Variants in ANKRD17 observed in about 807,000 individuals in gnomAD.
ANKRD17 encodes ankyrin repeat domain 17, also known as ankyrin repeat domain-containing protein 17.
Under a neutral mutation model 229.7 loss-of-function variants are expected in ANKRD17, and 19 were observed. That is an observed-to-expected ratio of 0.08 (90% CI 0.06 to 0.12). ANKRD17 has a LOEUF of 0.12. ANKRD17 is among the 10% of genes least tolerant of loss of function. The pLI is 1.00. For missense variants in ANKRD17, 2,176 were observed against 3,176.8 expected, an observed-to-expected ratio of 0.68 and a Z score of 7.57; for synonymous variants, 1,112 against 1,146.1, an observed-to-expected ratio of 0.97 and a Z score of 0.60.
At chr4:73,113,131 T>C (rs1460592223) in intron 24 of ANKRD17, 2 of 1,231,288 alleles carry the variant, frequency 1.6e-6, no homozygotes, top group South Asian at 1.4e-5. Context: ...TTCCATAATA[T>C]TCAATGCCAA....
At chr4:73,086,732 G>T (rs1289163780) in intron 29 of ANKRD17, among the ~76,000 whole-genome samples, 1 of 150,024 alleles carries the variant, frequency 6.7e-6, no homozygotes, top group Non-Finnish European at 1.5e-5. Context: ...GGGGCTACAG[G>T]TGTTCACCAT....
At chr4:73,222,094 C>T (rs1179654466) in intron 1 of ANKRD17, among the ~76,000 whole-genome samples, 2 of 152,122 alleles carry the variant, frequency 1.3e-5, no homozygotes, top group Non-Finnish European at 2.9e-5. Flanking sequence ...ATACCACTCA[C>T]CACCATAAAG....
chr4:73,247,966 T>C (rs1484745709), intron 1 of ANKRD17, among the ~76,000 whole-genome samples: 1 of 152,028 alleles, frequency 6.6e-6, no homozygotes, highest in Non-Finnish European at 1.5e-5. Flanking sequence ...AAATATGTGT[T>C]TCTACAAATA....
At chr4:73,209,892 C>A (rs942488331) in intron 1 of ANKRD17, among the ~76,000 whole-genome samples, 3 of 152,020 alleles carry the variant, frequency 2.0e-5, no homozygotes, top group African/African-American at 7.2e-5. Flanking sequence ...AATTCAATAC[C>A]CTTTGATGAT....
In ANKRD17 at chr4:73,169,660, T is replaced by C. The variant is rs79274569; in HGVS notation, c.547+7720A>G. Among the ~76,000 whole-genome samples, 708 of 152,140 alleles carry C rather than the reference T, an allele frequency of 4.7e-3. 2 individuals carry two copies. Among genetic ancestry groups the C allele is most frequent in the Non-Finnish European group, 8.4e-3 (572 of 68,020 alleles). The stretch of plus-strand genomic sequence containing the variant: ...TGGTTTTGACTTCGCATTGCTGAAA[T>C]AGGCATTAAAGAGGGTAGAAAAGAC... On this transcript the variant is annotated intron_variant, in intron 2 of 33. Coordinates refer to ENST00000358602, the MANE Select transcript of ANKRD17 (RefSeq NM_032217.5).
chr4:73,161,489 T>C (rs567258672), intron 2 of ANKRD17, 141 bp from the exon 3 acceptor site: 55 of 797,528 alleles, frequency 6.9e-5, no homozygotes, highest in Non-Finnish European at 1.0e-4. Context: ...CTGCCCAGCA[T>C]CTTTTGAGAA....
intron 1 of ANKRD17, among the ~76,000 whole-genome samples, chr4:73,240,710 C>T (rs1743943684): frequency 6.6e-6 from 1 of 151,878 alleles, no homozygotes; most frequent in Admixed American, 6.6e-5. Flanking sequence ...AAACCCCACA[C>T]AGATGTTAGC....
At chr4:73,082,835 G>C (rs1721711779) in intron 30 of ANKRD17, among the ~76,000 whole-genome samples, 1 of 152,122 alleles carries the variant, frequency 6.6e-6, no homozygotes, top group South Asian at 2.1e-4. Flanking sequence ...TCTTGGATGA[G>C]AGAAAATAAT....
rs1721262631 is a variant in ANKRD17, at chr4:73,078,787, C to T, written c.7263G>A (p.Arg2421=). The T allele has an allele frequency of 6.2e-7, 1 of 1,614,100 alleles. No homozygotes were observed. Among genetic ancestry groups the T allele is most frequent in the Non-Finnish European group, 8.5e-7 (1 of 1,180,012 alleles). Reference sequence around the variant, plus strand: ...CAGTCCCAATAGGGACTGGAACTTTCCTGTCCTGAGACACATTGCTGGGCT... The same window carrying T: ...CAGTCCCAATAGGGACTGGAACTTTTCTGTCCTGAGACACATTGCTGGGCT... ...SEKPSNVSQD[R]KVPVPIGTER... Residue 2421 remains arginine, a synonymous_variant, in exon 31 of 34, where the codon AGG becomes AGA. Coordinates refer to ENST00000358602, the MANE Select transcript of ANKRD17 (RefSeq NM_032217.5).
chr4:73,112,293 C>A (rs1479236728), intron 24 of ANKRD17, among the ~76,000 whole-genome samples: 6 of 152,128 alleles, frequency 3.9e-5, no homozygotes, highest in Non-Finnish European at 7.4e-5. Flanking sequence ...ACTGAGCACA[C>A]TGTTATAATA....
intron 25 of ANKRD17, 157 bp from the exon 26 acceptor site, chr4:73,098,677 C>T (rs1723587434): frequency 2.4e-6 from 2 of 835,588 alleles, no homozygotes; most frequent in Middle Eastern, 3.3e-4. Flanking sequence ...CTGGATAGGA[C>T]TGATATACTC....
chr4:73,240,616 C>A (rs1743933116), intron 1 of ANKRD17, among the ~76,000 whole-genome samples: 4 of 151,882 alleles, frequency 2.6e-5, no homozygotes, highest in Admixed American at 2.6e-4. Flanking sequence ...CAGAGCAAGA[C>A]CCTGTGCCTA....
At chr4:73,097,317 A>G (rs774983252) in intron 26 of ANKRD17, 45 bp from the exon 27 acceptor site, 3 of 1,471,438 alleles carry the variant, frequency 2.0e-6, no homozygotes, top group Non-Finnish European at 1.8e-6. Flanking sequence ...GAACAGATGT[A>G]GAATTTTTAA....
chr4:73,244,521 C>T (rs781105719), intron 1 of ANKRD17, among the ~76,000 whole-genome samples: 1 of 152,162 alleles, frequency 6.6e-6, no homozygotes, highest in Non-Finnish European at 1.5e-5. Context: ...CAGCAGCAAC[C>T]TGTGGCTAGT....
Position 73,146,801 on chromosome 4 carries a change from T to A in ANKRD17, c.1832A>T (p.Asp611Val). Residue 611 changes from aspartate to valine, a missense_variant, in exon 10 of 34, where the codon GAT (aspartate) becomes GTT (valine). Physicochemically the swap from Asp to Val is radical, Grantham distance 152. This residue lies in a region of ANKRD17 where 275 missense variants were observed against 386.9 expected (regional missense o/e 0.71). Transcript: ENST00000358602. ...TGCCTGAAGTAAGACATCTGCTACA[T>A]CAGTATGACCATTTTCACAGGCATA... ...LTYACENGHT[D>V]VADVLLQAGA... The A allele has an allele frequency of 6.2e-7, 1 of 1,612,482 alleles. No individual in the cohort carries two copies. Among genetic ancestry groups the A allele is most frequent in the Non-Finnish European group, 8.5e-7 (1 of 1,178,972 alleles).
chr4:73,238,263 T>A (rs1454083352), intron 1 of ANKRD17, among the ~76,000 whole-genome samples: 1 of 152,088 alleles, frequency 6.6e-6, no homozygotes, highest in Non-Finnish European at 1.5e-5. Flanking sequence ...CAGGCCCCTT[T>A]TATGAGAGAC....
chr4:73,076,832 G>A, intron 33 of ANKRD17, 108 bp downstream of exon 33: 1 of 1,307,506 alleles, frequency 7.6e-7, no homozygotes, highest in Non-Finnish European at 1.0e-6. Context: ...TTCCTCAACT[G>A]CCCATATTCA....
At chr4:73,171,739 G>A (rs1483650398) in intron 2 of ANKRD17, among the ~76,000 whole-genome samples, 1 of 152,172 alleles carries the variant, frequency 6.6e-6, no homozygotes, top group Non-Finnish European at 1.5e-5. Context: ...AAAGAATCAA[G>A]CAGCAATATT....
At chr4:73,248,833 T>A (rs536661720) in intron 1 of ANKRD17, among the ~76,000 whole-genome samples, 26 of 152,008 alleles carry the variant, frequency 1.7e-4, no homozygotes, top group Non-Finnish European at 3.4e-4. Flanking sequence ...TAGGAGATAA[T>A]AAATGTTTGT....
Sources: gnomAD v4.1 joint callset for allele counts (sites outside exome capture counted in the v4.1 genomes callset) on GRCh38, gnomAD v4.1.1 for gene constraint, gnomAD v4.1.1 regional missense constraint, MANE v1.5 for transcripts, NCBI Gene and HGNC (gene_info 2026-07-23, HGNC 2026-07-21) for gene names.